The following SLAMF9 variants were observed in gnomAD, a reference collection of about 807,000 sequenced individuals.
SLAMF9 encodes the protein CD2 family member 10.
SLAMF9 carries 25 observed loss-of-function variants against 30.4 expected under a neutral mutation model. The ratio of observed to expected loss-of-function variants is 0.82; its 90% CI spans 0.60 to 1.15. The LOEUF (loss-of-function observed/expected upper bound fraction) is 1.15, where lower values mean the gene tolerates loss of function less well. SLAMF9 is among the 50% of genes most tolerant of loss of function. The pLI is 0.00. For synonymous variants in SLAMF9, 129 were observed against 127.2 expected (o/e 1.01, Z -0.09); for missense variants, 344 against 346.1 (o/e 0.99, Z 0.05).
chr1:159,981,577 C>T, the SLAMF9 span, among the ~76,000 whole-genome samples: 1 of 152,268 alleles, frequency 6.6e-6, no homozygotes. Flanking sequence ...TCTTTTCCAT[C>T]TGCTTTCCAT....
the SLAMF9 span, chr1:159,973,205 A>C: frequency 2.9e-6 from 4 of 1,383,704 alleles, no homozygotes; most frequent in Non-Finnish European, 4.1e-6. Context: ...GCTTTGTTTG[A>C]CATCTCAGGG....
intron 2 of SLAMF9, among the ~76,000 whole-genome samples, chr1:159,952,996 G>A (rs1430355996): frequency 6.6e-6 from 1 of 152,204 alleles, no homozygotes; most frequent in Non-Finnish European, 1.5e-5. Context: ...GCTCAAGAAT[G>A]TAGGTGGTGT....
upstream of SLAMF9, among the ~76,000 whole-genome samples, chr1:159,954,806 CAATG>C (rs1256463607): frequency 1.3e-5 from 2 of 152,194 alleles, no homozygotes; most frequent in African/African-American, 2.4e-5. Context: ...TGGCCGGGTG[CAATG>C]GCTCACATCT....
Position 159,951,655 on chromosome 1 carries a change from G to T in SLAMF9, c.*6C>A. On this transcript the variant is annotated 3_prime_UTR_variant, in exon 4 of 4. Transcript: ENST00000368093. ...CAAGCTCAGGACTGGGGTTCCCAAG[G>T]AGCAGTCAGGCAGGGCTGGAGCCAG... The T allele has an allele frequency of 6.2e-7, 1 of 1,613,542 alleles. No homozygotes were observed. The highest frequency in any genetic ancestry group is 8.5e-7 in the Non-Finnish European group (1 of 1,179,868).
the SLAMF9 span, among the ~76,000 whole-genome samples, chr1:159,969,909 G>T: frequency 6.6e-6 from 1 of 152,084 alleles, no homozygotes; most frequent in Non-Finnish European, 1.5e-5. Flanking sequence ...AGGCATGGTG[G>T]TGCACTGGTG....
the SLAMF9 span, among the ~76,000 whole-genome samples, chr1:159,965,822 A>G: frequency 6.6e-6 from 1 of 152,220 alleles, no homozygotes; most frequent in East Asian, 1.9e-4. Flanking sequence ...AAAAAGATAT[A>G]AATTATGCTT....
the SLAMF9 span, among the ~76,000 whole-genome samples, chr1:159,982,773 G>A: frequency 0.014 from 2,086 of 152,332 alleles, 47 homozygotes; most frequent in African/African-American, 0.047. Context: ...GCTCACGCCT[G>A]TAATCCCAGC....
chr1:159,969,486 A>G, the SLAMF9 span, among the ~76,000 whole-genome samples: 1 of 152,236 alleles, frequency 6.6e-6, no homozygotes, highest in Non-Finnish European at 1.5e-5. Context: ...GGAGTATCCC[A>G]TCTCAGCACT....
At chr1:159,956,221 T>C (rs1432660201), upstream of SLAMF9, among the ~76,000 whole-genome samples, 1 of 152,170 alleles carries the variant, frequency 6.6e-6, no homozygotes, top group Non-Finnish European at 1.5e-5. Context: ...ATCCTAGCGC[T>C]TTGGGAGGCC....
the SLAMF9 span, chr1:159,973,014 A>G: frequency 9.6e-5 from 136 of 1,414,808 alleles, no homozygotes; most frequent in Non-Finnish European, 1.2e-4. Flanking sequence ...TCTGACCTCC[A>G]GCTGGGGGCT....
At chr1:159,976,052 G>A in the SLAMF9 span, among the ~76,000 whole-genome samples, 1 of 151,908 alleles carries the variant, frequency 6.6e-6, no homozygotes, top group Non-Finnish European at 1.5e-5. Context: ...TGTGGATGGA[G>A]CACTCCAGAA....
At chr1:159,963,719 T>C in the SLAMF9 span, among the ~76,000 whole-genome samples, 1 of 152,182 alleles carries the variant, frequency 6.6e-6, no homozygotes, top group Non-Finnish European at 1.5e-5. Flanking sequence ...GATCTCAAAA[T>C]GTAGGTTTCA....
the SLAMF9 span, chr1:159,973,015 G>T: frequency 7.1e-7 from 1 of 1,415,094 alleles, no homozygotes; most frequent in Non-Finnish European, 9.3e-7. Context: ...CTGACCTCCA[G>T]CTGGGGGCTC....
At chr1:159,981,529 T>C in the SLAMF9 span, among the ~76,000 whole-genome samples, 1 of 152,184 alleles carries the variant, frequency 6.6e-6, no homozygotes, top group Non-Finnish European at 1.5e-5. Flanking sequence ...GAAACAGCCT[T>C]CCCAGACCAG....
chr1:159,960,599 G>A, the SLAMF9 span, among the ~76,000 whole-genome samples: 2 of 152,022 alleles, frequency 1.3e-5, no homozygotes, highest in South Asian at 2.1e-4. Context: ...CCAAGTAGCT[G>A]GGATTACAGG....
In SLAMF9 at chr1:159,952,491, A is replaced by G. The variant is rs554630025; in HGVS notation, c.435T>C (p.Ser145=). 1.9e-6 allele frequency: 3 copies of G among 1,614,122 alleles called. No individual in the cohort carries two copies. In the East Asian group the frequency reaches 6.7e-5, roughly 36 times the overall value. The change falls in exon 3 of 4, where the codon TCT becomes TCC. Residue 145 remains serine (S), a synonymous_variant. Coordinates refer to ENST00000368093, the MANE Select transcript of SLAMF9 (RefSeq NM_033438.4). The part of the protein sequence containing the change: ...EPQITVNFES[S]GEGACSMSLV... ...GGGACATACTGCAGGCACCTTCCCC[A>G]GAACTCTCAAAGTTCACAGTGATCT...
the SLAMF9 span, among the ~76,000 whole-genome samples, chr1:159,969,999 G>A: frequency 6.6e-6 from 1 of 152,158 alleles, no homozygotes; most frequent in Non-Finnish European, 1.5e-5. Flanking sequence ...AGTGGAGACT[G>A]CAGTGAGCCG....
the SLAMF9 span, chr1:159,973,204 G>T: frequency 1.4e-6 from 2 of 1,382,958 alleles, no homozygotes; most frequent in Non-Finnish European, 2.1e-6. Context: ...AGCTTTGTTT[G>T]ACATCTCAGG....
At chr1:159,958,162 G>A (rs538816985), upstream of SLAMF9, among the ~76,000 whole-genome samples, 10 of 152,326 alleles carry the variant, frequency 6.6e-5, no homozygotes, top group South Asian at 1.7e-3. Flanking sequence ...TGGGGCTGCC[G>A]GGAACAGCGT....
Sources: gnomAD v4.1 joint callset for allele counts (sites outside exome capture counted in the v4.1 genomes callset) on GRCh38, gnomAD v4.1.1 for gene constraint, MANE v1.5 for transcripts, NCBI Gene and HGNC (gene_info 2026-07-23, HGNC 2026-07-21) for gene names.